Variants in ARHGEF4 observed in about 807,000 individuals in gnomAD.
The protein encoded by ARHGEF4 is Rho guanine nucleotide exchange factor 4.
Under a neutral mutation model 162.0 loss-of-function variants are expected in ARHGEF4, and 119 were observed. That is an observed-to-expected ratio of 0.73 (90% CI 0.63 to 0.86). The LOEUF is 0.86. Ranked by LOEUF, ARHGEF4 falls within the 40% of genes least tolerant of loss-of-function variation. ARHGEF4 has a pLI of 0.00. For synonymous variants in ARHGEF4, 1,014 were observed against 979.9 expected (o/e 1.03, Z -0.65); for missense variants, 2,488 against 2,456.0 (o/e 1.01, Z -0.28).
intron 4 of ARHGEF4, among the ~76,000 whole-genome samples, chr2:130,948,550 T>TA (rs749188859): frequency 6.6e-6 from 1 of 152,230 alleles, no homozygotes; most frequent in Non-Finnish European, 1.5e-5. Context: ...CAGAGCTTCA[T>TA]AATCATATTT....
chr2:130,880,248 G>C (rs555957594), intron 1 of ARHGEF4, among the ~76,000 whole-genome samples: 9 of 152,306 alleles, frequency 5.9e-5, no homozygotes, highest in Admixed American at 2.0e-4. Flanking sequence ...CAGAAGTGGA[G>C]GCTGAGGAAG....
intron 4 of ARHGEF4, among the ~76,000 whole-genome samples, chr2:130,947,744 C>G (rs1243301603): frequency 1.3e-5 from 2 of 152,188 alleles, no homozygotes. Flanking sequence ...GTAGAACAAC[C>G]ACCTTCCTCA....
intron 1 of ARHGEF4, among the ~76,000 whole-genome samples, chr2:130,906,043 C>A (rs1345612571): frequency 1.3e-5 from 2 of 152,220 alleles, no homozygotes; most frequent in African/African-American, 2.4e-5. Context: ...TGTTCCCTTA[C>A]TAGCTGTCAA....
At chr2:130,920,671 G>C (rs1296722643) in intron 2 of ARHGEF4, among the ~76,000 whole-genome samples, 1 of 152,178 alleles carries the variant, frequency 6.6e-6, no homozygotes, top group African/African-American at 2.4e-5. Context: ...AATTTGCAAG[G>C]AATTCAGTCA....
chr2:130,895,864 T>G (rs534899636), intron 1 of ARHGEF4, among the ~76,000 whole-genome samples: 7 of 152,292 alleles, frequency 4.6e-5, no homozygotes, highest in African/African-American at 1.7e-4. Flanking sequence ...CACTTTTTTC[T>G]TTTATGGTTT....
intron 4 of ARHGEF4, among the ~76,000 whole-genome samples, chr2:130,971,821 C>T (rs967200044): frequency 2.6e-5 from 4 of 152,196 alleles, no homozygotes; most frequent in Non-Finnish European, 5.9e-5. Flanking sequence ...GAGGCGGCCA[C>T]GCCAAGAGCT....
chr2:130,958,824 TC>T (rs1400335787), intron 4 of ARHGEF4, among the ~76,000 whole-genome samples: 2 of 152,224 alleles, frequency 1.3e-5, no homozygotes, highest in Admixed American at 6.5e-5. Flanking sequence ...TCAATGGAGT[TC>T]CTCTCACTGT....
intron 1 of ARHGEF4, 126 bp downstream of exon 1, chr2:130,837,118 C>A: frequency 1.1e-6 from 1 of 881,928 alleles, no homozygotes. Flanking sequence ...TGGGGACACC[C>A]TCGTGGCTCC....
chr2:130,903,065 A>G (rs1680586210), intron 1 of ARHGEF4, among the ~76,000 whole-genome samples: 1 of 149,002 alleles, frequency 6.7e-6, no homozygotes, highest in Non-Finnish European at 1.5e-5. Flanking sequence ...TTTATTTGTT[A>G]TTATAGTTTG....
chr2:130,903,693 C>A (rs533667208), intron 1 of ARHGEF4, among the ~76,000 whole-genome samples: 1 of 152,160 alleles, frequency 6.6e-6, no homozygotes, highest in Admixed American at 6.5e-5. Context: ...ACCCTTGCTC[C>A]TCTCCCCCAA....
chr2:130,917,280 G>GGTA lies in ARHGEF4; in HGVS notation c.3336_3338dup (p.Ser1113dup). 1 of 1,550,522 alleles carries GGTA rather than the reference G, an allele frequency of 6.4e-7. No individual in the cohort carries two copies. Among genetic ancestry groups the GGTA allele is most frequent in the South Asian group, 1.2e-5 (1 of 84,052 alleles). On this transcript the variant is annotated inframe_insertion, in exon 2 of 14. Transcript: ENST00000409359. ...GATGGGTCTCCACTACCCCGGGAGG[G>GGTA]GTAGCGCCATCTCCATGGTTTCTCT...
intron 1 of ARHGEF4, among the ~76,000 whole-genome samples, chr2:130,909,151 G>A (rs991597451): frequency 5.9e-5 from 9 of 152,102 alleles, no homozygotes; most frequent in African/African-American, 1.9e-4. Flanking sequence ...CTGATACAGC[G>A]TCATCCCACT....
intron 1 of ARHGEF4, among the ~76,000 whole-genome samples, chr2:130,890,672 G>A (rs1055904093): frequency 5.3e-5 from 8 of 151,736 alleles, no homozygotes; most frequent in Non-Finnish European, 7.4e-5. Flanking sequence ...CTGATTTGCC[G>A]TTAAAGCTAT....
chr2:130,872,566 A>G (rs1678561389), intron 1 of ARHGEF4, among the ~76,000 whole-genome samples: 1 of 151,988 alleles, frequency 6.6e-6, no homozygotes, highest in African/African-American at 2.4e-5. Flanking sequence ...CCCCGTGACC[A>G]CTGGGTACAA....
rs538095267 is a variant in ARHGEF4 at position 130,950,582 on chromosome 2, A to G, written c.3985+3947A>G. Among the ~76,000 whole-genome samples the G allele has an allele frequency of 2.6e-5, 4 of 152,244 alleles. No individual in the cohort carries two copies. The South Asian group carries it at 8.3e-4, about 32-fold the overall frequency. On this transcript the variant is annotated intron_variant, in intron 4 of 13. Transcript: ENST00000409359. ...TAAACAGCTTTGTTGAGCTATAGTC[A>G]TATACAGTTCGGTGGCAGGATATTC...
rs1396373304 is a variant in ARHGEF4 at position 130,915,769 on chromosome 2, C to T, written c.1823C>T (p.Pro608Leu). 2.0e-6 allele frequency: 3 copies of T among 1,531,200 alleles called. No homozygotes were observed. Among genetic ancestry groups the T allele is most frequent in the Admixed American group, 4.2e-5 (2 of 48,094 alleles). The allele number at this position is 1,531,200 out of a possible 1,614,324, so 94.9% of individuals were successfully genotyped here. A position where few individuals can be genotyped will look rare whatever the true frequency, so the allele number is the denominator to read the frequency against. Residue 608 changes from proline (P) to leucine (L), a missense_variant, in exon 2 of 14, where the codon CCT (proline) becomes CTT (leucine). Transcript: ENST00000409359. Reference sequence around the variant, plus strand: ...GGGGCTGAGGAGGGTGAACAGGGGCCTGGGGGTGCCGGGGGCCGGCAGCTG... The same window carrying T: ...GGGGCTGAGGAGGGTGAACAGGGGCTTGGGGGTGCCGGGGGCCGGCAGCTG... ...GPGAEEGEQG[P>L]GGAGGRQLEP...
At chr2:131,032,848 C>CTTTTTT (rs111971610) in intron 5 of ARHGEF4, among the ~76,000 whole-genome samples, 6 of 128,616 alleles carry the variant, frequency 4.7e-5, no homozygotes, top group African/African-American at 1.0e-4. Context: ...TTTCTTTTTT[C>CTTTTTT]TTTTTTTTTT....
rs370443864 is a variant in ARHGEF4 at position 131,044,473 on chromosome 2, G to C, written c.5332G>C (p.Glu1778Gln). The change falls in exon 12 of 14, where the codon GAG becomes CAG. Residue 1778 changes from glutamate to glutamine, a missense_variant. Physicochemically the swap from Glu to Gln is conservative, Grantham distance 29. Coordinates refer to ENST00000409359, the MANE Select transcript of ARHGEF4 (RefSeq NM_001367493.1). ...DSHLLCTRKP[E>Q]QKQRWLKAFA... The stretch of plus-strand genomic sequence containing the variant: ...CCACCTGCTGTGCACCAGGAAGCCC[G>C]AGCAGAAGCAGCGCTGGCTCAAGGC... 1 of 1,553,860 alleles carries C rather than the reference G, an allele frequency of 6.4e-7. No individual in the cohort carries two copies. The highest frequency in any genetic ancestry group is 1.4e-5 in the African/African-American group (1 of 73,222).
At chr2:131,003,678 C>T (rs1031250634) in intron 4 of ARHGEF4, among the ~76,000 whole-genome samples, 1 of 152,218 alleles carries the variant, frequency 6.6e-6, no homozygotes, top group Non-Finnish European at 1.5e-5. Flanking sequence ...TTTCTGATCT[C>T]TCATTTAGTC....
Sources: gnomAD v4.1 joint callset for allele counts (sites outside exome capture counted in the v4.1 genomes callset) on GRCh38, gnomAD v4.1.1 for gene constraint, MANE v1.5 for transcripts, NCBI Gene and HGNC (gene_info 2026-07-23, HGNC 2026-07-21) for gene names.